The following GNAO1 variants were observed in gnomAD, a reference collection of about 807,000 sequenced individuals.
GNAO1 encodes guanine nucleotide-binding protein G(o) subunit alpha.
For missense variants in GNAO1, 166 were observed against 478.7 expected (o/e 0.35, Z 6.10); for synonymous variants, 164 against 180.7 (o/e 0.91, Z 0.74).
intron 3 of GNAO1, among the ~76,000 whole-genome samples, chr16:56,280,661 A>G (rs1182387269): frequency 1.3e-5 from 2 of 152,204 alleles, no homozygotes; most frequent in African/African-American, 4.8e-5. Context: ...ATAAGGTGCA[A>G]GGGGCTAGGT....
At chr16:56,315,226 G>A (rs1174757503) in intron 3 of GNAO1, among the ~76,000 whole-genome samples, 1 of 152,192 alleles carries the variant, frequency 6.6e-6, no homozygotes, top group Non-Finnish European at 1.5e-5. Context: ...TCCCAGCCGA[G>A]GCGGCTGTAA....
In GNAO1 at chr16:56,311,623, C is replaced by T. The variant is rs2037459759; in HGVS notation, c.304-17008C>T. Among the ~76,000 whole-genome samples the T allele has an allele frequency of 6.6e-6, 1 of 152,226 alleles. No individual in the cohort carries two copies. Among genetic ancestry groups the T allele is most frequent in the African/African-American group, 2.4e-5 (1 of 41,520 alleles). On this transcript the variant is annotated intron_variant, in intron 3 of 8. Transcript: ENST00000262493. This position sits in a 1 kb window ranked among gnomAD's most constrained non-coding sequence, Gnocchi z 5.2. The stretch of plus-strand genomic sequence containing the variant: ...GAGAACCCGAGGAGCGCGTCCCCTC[C>T]CTCCTCCCTCCCTGCTGACATAGCT...
Position 56,193,674 on chromosome 16 carries a change from C to A in GNAO1, c.161+1058C>A, listed in dbSNP as rs577826125. The stretch of plus-strand genomic sequence containing the variant: ...CTCCTTTCCACTTGCAGGCTCGCTT[C>A]TTGCCCTATCCACTCGGCAGTTCCT... On this transcript the variant is annotated intron_variant, in intron 2 of 8. Transcript: ENST00000262493. 7.4e-5 allele frequency: 14 copies of A among 188,048 alleles called. No homozygotes were observed. In the South Asian group the frequency reaches 1.2e-3, roughly 17 times the overall value. 11.6% of individuals were successfully genotyped at this position (188,048 alleles called of 1,614,324 possible).
intron 3 of GNAO1, among the ~76,000 whole-genome samples, chr16:56,315,660 G>A (rs929182545): frequency 5.9e-5 from 9 of 152,064 alleles, no homozygotes; most frequent in African/African-American, 1.7e-4. Flanking sequence ...GACAGACAGC[G>A]TCCCCACCCC....
intron 3 of GNAO1, among the ~76,000 whole-genome samples, chr16:56,295,296 C>T (rs563231207): frequency 6.6e-5 from 10 of 152,238 alleles, no homozygotes; most frequent in East Asian, 1.9e-4. Context: ...GTCCCAGCTC[C>T]GTGGCTCGCA....
chr16:56,289,035 G>GC (rs1446050343), intron 3 of GNAO1, among the ~76,000 whole-genome samples: 13 of 151,792 alleles, frequency 8.6e-5, no homozygotes, highest in African/African-American at 1.7e-4. Flanking sequence ...TCCAAAAAAG[G>GC]GGGGGGGAGC....
intron 3 of GNAO1, among the ~76,000 whole-genome samples, chr16:56,290,399 T>A (rs971975206): frequency 6.6e-6 from 1 of 152,208 alleles, no homozygotes; most frequent in Non-Finnish European, 1.5e-5. Context: ...TGGTGGGTGC[T>A]CTATTGAAGT....
chr16:56,201,713 G>A (rs1388585798), intron 2 of GNAO1, among the ~76,000 whole-genome samples: 1 of 152,240 alleles, frequency 6.6e-6, no homozygotes, highest in African/African-American at 2.4e-5. Context: ...TGATCAGTTG[G>A]AAGAGCATTG....
intron 3 of GNAO1, among the ~76,000 whole-genome samples, chr16:56,283,523 C>CT (rs1327071995): frequency 6.6e-6 from 1 of 152,198 alleles, no homozygotes; most frequent in Non-Finnish European, 1.5e-5. Context: ...GCTCAGGACA[C>CT]TATGTTTTTT....
intron 2 of GNAO1, among the ~76,000 whole-genome samples, chr16:56,251,119 G>A (rs2036795396): frequency 6.6e-6 from 1 of 152,182 alleles, no homozygotes. Context: ...GCTATCATAG[G>A]CATCCCACTT....
chr16:56,333,679 C>T (rs2037713784), intron 4 of GNAO1, among the ~76,000 whole-genome samples: 1 of 152,258 alleles, frequency 6.6e-6, no homozygotes, highest in Non-Finnish European at 1.5e-5. Context: ...TGTGGACATC[C>T]ATGAGCTGGT....
At chr16:56,264,126 C>T (rs1248146266) in intron 2 of GNAO1, among the ~76,000 whole-genome samples, 5 of 152,186 alleles carry the variant, frequency 3.3e-5, no homozygotes, top group Non-Finnish European at 5.9e-5. Context: ...AGGCCAGGGC[C>T]GATGATGCAG....
At chr16:56,217,105 C>T (rs2036443044) in intron 2 of GNAO1, among the ~76,000 whole-genome samples, 1 of 152,172 alleles carries the variant, frequency 6.6e-6, no homozygotes, top group Non-Finnish European at 1.5e-5. Flanking sequence ...TGCTTCATGT[C>T]CTGGCTATAT....
chr16:56,295,575 C>T (rs1323920268), intron 3 of GNAO1, among the ~76,000 whole-genome samples: 2 of 152,154 alleles, frequency 1.3e-5, no homozygotes, highest in Admixed American at 1.3e-4. Flanking sequence ...AAATCGAAAG[C>T]ACCACCTTTC....
intron 2 of GNAO1, among the ~76,000 whole-genome samples, chr16:56,273,514 C>T (rs1201697909): frequency 2.6e-5 from 4 of 152,106 alleles, no homozygotes; most frequent in Non-Finnish European, 5.9e-5. Flanking sequence ...CTGTTGACTG[C>T]ATTTTATCAT....
chr16:56,222,151 G>A (rs1188072031), intron 2 of GNAO1, among the ~76,000 whole-genome samples: 1 of 152,044 alleles, frequency 6.6e-6, no homozygotes, highest in African/African-American at 2.4e-5. Context: ...GCTAAGAGTG[G>A]CATGCCCCTG....
rs144248085 is a variant in GNAO1, at chr16:56,235,567, C to G, written c.162-40364C>G. 9.9e-4 allele frequency among the ~76,000 whole-genome samples: 151 copies of G among 152,286 alleles called. 3 individuals carry two copies. The highest frequency in any genetic ancestry group is 3.5e-3 in the African/African-American group (144 of 41,564). ...GACAATTGTTCCTAAAGGCAGTGCT[C>G]CTAGGGGAATGCCTGCTGAGAGGGA... On this transcript the variant is annotated intron_variant, in intron 2 of 8. Coordinates refer to ENST00000262493, the MANE Select transcript of GNAO1 (RefSeq NM_020988.3).
At chr16:56,203,900 G>T (rs1323084116) in intron 2 of GNAO1, among the ~76,000 whole-genome samples, 1 of 152,192 alleles carries the variant, frequency 6.6e-6, no homozygotes, top group East Asian at 1.9e-4. Context: ...TGGAAAGGAA[G>T]AGTAGGGCTA....
intron 2 of GNAO1, among the ~76,000 whole-genome samples, chr16:56,229,804 A>T (rs1596809862): frequency 4.2e-5 from 1 of 23,782 alleles, no homozygotes; most frequent in Admixed American, 4.0e-4. Context: ...AACCATGACT[A>T]AACAGAATGC....
Sources: allele counts gnomAD v4.1 joint callset (sites outside exome capture counted in the v4.1 genomes callset), GRCh38; gene constraint gnomAD v4.1.1; non-coding constraint Gnocchi (gnomAD v3.1); transcripts MANE v1.5; gene names NCBI Gene and HGNC (gene_info 2026-07-23, HGNC 2026-07-21).